ACER2: variants seen among roughly 807,000 people sequenced by gnomAD.
ACER2 encodes alkaline ceramidase 2, also known as alkCDase 2.
A neutral mutation model predicts 34.7 loss-of-function variants in ACER2; 26 were observed. The ratio of observed to expected loss-of-function variants is 0.75; its 90% CI spans 0.55 to 1.04. The LOEUF is 1.04. ACER2 is among the 50% of genes least tolerant of loss of function. ACER2 has a pLI of 0.00. For synonymous variants in ACER2, 138 were observed against 132.1 expected (o/e 1.04, Z -0.31); for missense variants, 352 against 340.8 (o/e 1.03, Z -0.26).
At chr9:19,442,871 C>T (rs1484910677) in intron 4 of ACER2, among the ~76,000 whole-genome samples, 1 of 150,498 alleles carries the variant, frequency 6.6e-6, no homozygotes, top group Admixed American at 6.6e-5. Context: ...CTCGCTCTGT[C>T]GCCCAGGCTG....
chr9:19,447,237 G>A (rs928261189), intron 5 of ACER2, among the ~76,000 whole-genome samples: 4 of 152,180 alleles, frequency 2.6e-5, no homozygotes, highest in African/African-American at 9.7e-5. Context: ...AACCCAGAGA[G>A]GAATTCTAGT....
intron 4 of ACER2, among the ~76,000 whole-genome samples, chr9:19,436,083 C>CTTT (rs78161264): frequency 1.4e-5 from 2 of 143,722 alleles, no homozygotes; most frequent in Non-Finnish European, 1.5e-5. Flanking sequence ...GAAAGCCCTT[C>CTTT]TTTTTTTTTT....
At chr9:19,450,380 G>T in intron 5 of ACER2, 70 bp from the exon 6 acceptor site, 1 of 1,451,274 alleles carries the variant, frequency 6.9e-7, no homozygotes, top group Non-Finnish European at 9.2e-7. Context: ...CCGGAAGAAG[G>T]AGCAGGCTAA....
chr9:19,444,313 G>A (rs1162328907), intron 4 of ACER2, among the ~76,000 whole-genome samples: 7 of 150,942 alleles, frequency 4.6e-5, no homozygotes, highest in Non-Finnish European at 7.4e-5. Context: ...CCGGGTTCAC[G>A]CCATTCTCCT....
intron 2 of ACER2, 44 bp from the exon 3 acceptor site, chr9:19,424,656 C>G: frequency 6.2e-7 from 1 of 1,608,844 alleles, no homozygotes. Flanking sequence ...GAATTTGTGT[C>G]TCTTCTGTGG....
chr9:19,439,344 C>CTTTTTTTTTTTTTTTTTTTTTTTTTT (rs55690063), intron 4 of ACER2, among the ~76,000 whole-genome samples: 10 of 138,752 alleles, frequency 7.2e-5, no homozygotes, highest in Admixed American at 4.3e-4. Flanking sequence ...AAGGGGCTTG[C>CTTTTTTTTTTTTTTTTTTTTTTTTTT]TTTTTTTTTT....
intron 4 of ACER2, among the ~76,000 whole-genome samples, chr9:19,444,563 C>G (rs990577823): frequency 1.3e-5 from 2 of 152,136 alleles, no homozygotes; most frequent in Non-Finnish European, 2.9e-5. Context: ...GGGCCTCATT[C>G]GAAACCATCC....
At chr9:19,421,076 C>T (rs894688683) in intron 1 of ACER2, among the ~76,000 whole-genome samples, 1 of 152,130 alleles carries the variant, frequency 6.6e-6, no homozygotes, top group African/African-American at 2.4e-5. Flanking sequence ...TAAACCTGTA[C>T]AACCTGTTAC....
At chr9:19,424,526 A>C in intron 2 of ACER2, 174 bp from the exon 3 acceptor site, 1 of 985,356 alleles carries the variant, frequency 1.0e-6, no homozygotes, top group Non-Finnish European at 1.2e-6. Flanking sequence ...TTCTTTCTAG[A>C]CTGGAGGCAT....
chr9:19,423,569 T>TG (rs533437766), intron 1 of ACER2, among the ~76,000 whole-genome samples: 62 of 152,118 alleles, frequency 4.1e-4, no homozygotes, highest in African/African-American at 1.5e-3. Context: ...GGTATGGTGG[T>TG]GGGTGCCTGT....
chr9:19,437,031 C>A (rs543314913), intron 4 of ACER2, among the ~76,000 whole-genome samples: 5 of 152,250 alleles, frequency 3.3e-5, no homozygotes, highest in African/African-American at 1.2e-4. Flanking sequence ...CCTTTGCTTC[C>A]TAAGGTAGGC....
intron 4 of ACER2, among the ~76,000 whole-genome samples, chr9:19,435,963 G>A (rs1248383278): frequency 6.6e-6 from 1 of 151,832 alleles, no homozygotes; most frequent in Non-Finnish European, 1.5e-5. Context: ...GCAGGAGAAT[G>A]GTGTGAACCC....
At chr9:19,429,229 A>T (rs1286044268) in intron 3 of ACER2, among the ~76,000 whole-genome samples, 12 of 152,360 alleles carry the variant, frequency 7.9e-5, no homozygotes, top group African/African-American at 2.9e-4. Flanking sequence ...GAGACTCTTT[A>T]GGACATATAC....
chr9:19,448,625 T>G (rs1166811657), intron 5 of ACER2, among the ~76,000 whole-genome samples: 1 of 152,216 alleles, frequency 6.6e-6, no homozygotes, highest in African/African-American at 2.4e-5. Flanking sequence ...TAACACTGTT[T>G]ACTGAAGTCT....
At chr9:19,427,969 C>A (rs1354013593) in intron 3 of ACER2, among the ~76,000 whole-genome samples, 1 of 141,564 alleles carries the variant, frequency 7.1e-6, no homozygotes, top group Non-Finnish European at 1.5e-5. Context: ...CCCTTCCTTT[C>A]CTTTCCTTTT....
Position 19,423,961 on chromosome 9 carries a change from CTT to C in ACER2, c.211_212del (p.Leu71GlyfsTer15), listed in dbSNP as rs1563877294. ...FNSGIYLIWT[L>X]LVVVGIGSVY... is the part of the protein sequence containing the mutation. ...CAGTGGCATCTACTTAATCTGGACT[CTT>C]TTGGTTGTAGTGGGTAAGTGGAGTC... On this transcript the variant is annotated frameshift_variant, in exon 2 of 6. Transcript: ENST00000340967. LOFTEE classifies it high-confidence loss of function. 1.9e-6 allele frequency: 3 copies of C among 1,613,588 alleles called. No homozygotes were observed. Among genetic ancestry groups the C allele is most frequent in the East Asian group, 2.2e-5 (1 of 44,880 alleles).
intron 3 of ACER2, among the ~76,000 whole-genome samples, chr9:19,430,924 C>T (rs1285170424): frequency 2.6e-5 from 4 of 152,012 alleles, no homozygotes; most frequent in Admixed American, 6.6e-5. Flanking sequence ...CACCACTGCT[C>T]TCCAGCCTGG....
rs1831543051 is a variant in ACER2, at chr9:19,450,703, A to G, written c.*67A>G. 2 of 1,438,242 alleles carry G rather than the reference A, an allele frequency of 1.4e-6. No individual in the cohort carries two copies. Among genetic ancestry groups the G allele is most frequent in the Non-Finnish European group, 1.9e-6 (2 of 1,064,234 alleles). 89.1% of individuals were successfully genotyped at this position (1,438,242 alleles called of 1,614,324 possible). A position where few individuals can be genotyped will look rare whatever the true frequency, so the allele number is the denominator to read the frequency against. ...GCAGTGGGCTTCCTTTGCTAGGAAG[A>G]CAGCCAAGGGAGTTCGAATAGTTGG... On this transcript the variant is annotated 3_prime_UTR_variant, in exon 6 of 6. Transcript: ENST00000340967.
At chr9:19,414,407 C>T (rs980398122) in intron 1 of ACER2, among the ~76,000 whole-genome samples, 1 of 152,188 alleles carries the variant, frequency 6.6e-6, no homozygotes, top group African/African-American at 2.4e-5. Context: ...GATGAGACTG[C>T]AGTATGTTCA....
Sources: allele counts gnomAD v4.1 joint callset (sites outside exome capture counted in the v4.1 genomes callset), GRCh38; gene constraint gnomAD v4.1.1; transcripts MANE v1.5; gene names NCBI Gene and HGNC (gene_info 2026-07-23, HGNC 2026-07-21).